The following ADAMTSL1 variants were observed in gnomAD, a reference collection of about 807,000 sequenced individuals.
ADAMTSL1 encodes the protein ADAMTS like 1.
ADAMTSL1 carries 126 observed loss-of-function variants against 201.8 expected under a neutral mutation model. The ratio of observed to expected loss-of-function variants is 0.62; its 90% CI spans 0.54 to 0.72. The LOEUF (loss-of-function observed/expected upper bound fraction) is 0.72. Among genes scored for constraint, ADAMTSL1 ranks in the 30% least tolerant of loss-of-function variants. ADAMTSL1 has a pLI of 0.00. For synonymous variants in ADAMTSL1, 1,121 were observed against 903.4 expected, an observed-to-expected ratio of 1.24 and a Z score of -4.32; for missense variants, 2,679 against 2,277.8, an observed-to-expected ratio of 1.18 and a Z score of -3.59.
intron 1 of ADAMTSL1, among the ~76,000 whole-genome samples, chr9:18,055,274 C>T (rs1822128368): frequency 6.6e-6 from 1 of 152,098 alleles, no homozygotes; most frequent in Admixed American, 6.5e-5. Context: ...AATATAAGAC[C>T]TTGGGCCTCA....
At chr9:18,587,944 G>C (rs1823620696) in intron 4 of ADAMTSL1, among the ~76,000 whole-genome samples, 1 of 152,120 alleles carries the variant, frequency 6.6e-6, no homozygotes, top group Non-Finnish European at 1.5e-5. Context: ...GGGAATGCAG[G>C]TATCTCTTTG....
At chr9:18,429,354 A>G (rs916243650) in intron 2 of ADAMTSL1, among the ~76,000 whole-genome samples, 1 of 152,204 alleles carries the variant, frequency 6.6e-6, no homozygotes, top group African/African-American at 2.4e-5. Context: ...TTAAGGGGAA[A>G]AAAAGAGAGT....
intron 1 of ADAMTSL1, chr9:18,163,772 G>T (rs1311355565): frequency 7.1e-6 from 1 of 140,160 alleles, no homozygotes; most frequent in Non-Finnish European, 1.5e-5. Flanking sequence ...GCCTTGAAAT[G>T]AATCCAAGAG....
At chr9:18,503,056 C>T (rs1822923566) in intron 1 of ADAMTSL1, among the ~76,000 whole-genome samples, 1 of 151,980 alleles carries the variant, frequency 6.6e-6, no homozygotes, top group Admixed American at 6.6e-5. Context: ...CAAAATTTAA[C>T]ATTTTAACTA....
At chr9:18,852,285 A>G (rs1263679671) in intron 23 of ADAMTSL1, among the ~76,000 whole-genome samples, 3 of 152,216 alleles carry the variant, frequency 2.0e-5, no homozygotes, top group African/African-American at 7.2e-5. Context: ...ATAACTGCAT[A>G]TACCTCCAGG....
intron 25 of ADAMTSL1, chr9:18,890,792 G>C (rs936046977): frequency 5.8e-6 from 2 of 347,272 alleles, no homozygotes; most frequent in Non-Finnish European, 1.1e-5. Context: ...GGAAATGCAG[G>C]CCTGACATTC....
At chr9:18,056,564 A>G (rs1488679501) in intron 1 of ADAMTSL1, among the ~76,000 whole-genome samples, 2 of 152,086 alleles carry the variant, frequency 1.3e-5, no homozygotes, top group African/African-American at 4.8e-5. Context: ...TTTGTTGGCG[A>G]GGTATATTTC....
chr9:18,283,545 G>A (rs1832873259), intron 2 of ADAMTSL1, among the ~76,000 whole-genome samples: 1 of 145,600 alleles, frequency 6.9e-6, no homozygotes, highest in African/African-American at 2.6e-5. Flanking sequence ...AGTTGAGGCT[G>A]CAGTGAGCCA....
chr9:18,298,746 G>A (rs928046392), intron 2 of ADAMTSL1, among the ~76,000 whole-genome samples: 8 of 151,828 alleles, frequency 5.3e-5, no homozygotes, highest in African/African-American at 1.9e-4. Context: ...ATAATAGGCC[G>A]GGCTCGGTGG....
chr9:18,650,572 C>G (rs1410625970), intron 7 of ADAMTSL1, among the ~76,000 whole-genome samples: 1 of 152,162 alleles, frequency 6.6e-6, no homozygotes, highest in African/African-American at 2.4e-5. Context: ...GCCAAAATAT[C>G]ATTTTTGTTT....
rs137911993 is a variant in ADAMTSL1, at chr9:18,412,176, T to C, written c.208-92653T>C. Among the ~76,000 whole-genome samples, 310 of 152,354 alleles carry C rather than the reference T, an allele frequency of 2.0e-3. 2 individuals are homozygous for C. Among genetic ancestry groups the C allele is most frequent in the African/African-American group, 7.0e-3 (291 of 41,580 alleles). On this transcript the variant is annotated intron_variant, in intron 2 of 29. Coordinates refer to the ADAMTSL1 transcript ENST00000680146. ...TTTCCTGTTAACCAAAATTCAGATC[T>C]AGAGGCATTATTTAATTTAGGTTCC...
chr9:18,205,697 A>G (rs565540514), intron 2 of ADAMTSL1, among the ~76,000 whole-genome samples: 134 of 152,176 alleles, frequency 8.8e-4, no homozygotes, highest in African/African-American at 3.0e-3. Context: ...GAGCAAGAAG[A>G]TACTAGTATT....
chr9:18,455,027 G>A (rs1312494286), intron 2 of ADAMTSL1, among the ~76,000 whole-genome samples: 2 of 152,072 alleles, frequency 1.3e-5, no homozygotes, highest in African/African-American at 4.8e-5. Flanking sequence ...GTGGGTGGGT[G>A]TGAATATTAT....
At chr9:18,086,279 A>T (rs1823766535) in intron 1 of ADAMTSL1, among the ~76,000 whole-genome samples, 1 of 152,184 alleles carries the variant, frequency 6.6e-6, no homozygotes, top group Admixed American at 6.5e-5. Context: ...GGACCACCAA[A>T]TAGAGGAGGA....
At chr9:18,546,844 G>A (rs1297888353) in intron 3 of ADAMTSL1, among the ~76,000 whole-genome samples, 1 of 152,108 alleles carries the variant, frequency 6.6e-6, no homozygotes, top group Non-Finnish European at 1.5e-5. Flanking sequence ...AAACAAGTCT[G>A]CTTTTAACTG....
intron 1 of ADAMTSL1, among the ~76,000 whole-genome samples, chr9:17,924,447 T>G (rs1826438234): frequency 6.6e-6 from 1 of 152,198 alleles, no homozygotes; most frequent in South Asian, 2.1e-4. Flanking sequence ...TGGTAGTTTG[T>G]ATTTCTGTGG....
rs967388223 is a variant in ADAMTSL1, at chr9:18,909,700, G to C, written c.*1152G>C. ...AGGTTGTAGCAACCTCTTCATTCCA[G>C]AGCTGGCCCAGGGACCGGGGTGGGA... On this transcript the variant is annotated 3_prime_UTR_variant, in exon 29 of 29. Transcript: ENST00000380548. 5 of 152,136 alleles carry C rather than the reference G, an allele frequency of 3.3e-5. No individual in the cohort carries two copies. Among genetic ancestry groups the C allele is most frequent in the Non-Finnish European group, 7.3e-5 (5 of 68,102 alleles). The allele number at this position is 152,136 out of a possible 1,614,324, so 9.4% of individuals were successfully genotyped here. A position where few individuals can be genotyped will look rare whatever the true frequency, so the allele number is the denominator to read the frequency against.
At chr9:17,967,875 A>G (rs1818042449) in intron 1 of ADAMTSL1, among the ~76,000 whole-genome samples, 1 of 152,026 alleles carries the variant, frequency 6.6e-6, no homozygotes, top group Admixed American at 6.6e-5. Context: ...GTTTATTCAC[A>G]CTGGGATCAT....
intron 2 of ADAMTSL1, among the ~76,000 whole-genome samples, chr9:18,401,087 A>G (rs1817966128): frequency 6.6e-6 from 1 of 152,204 alleles, no homozygotes; most frequent in Admixed American, 6.5e-5. Context: ...GTGGCCATTA[A>G]CCAACTGTGG....
Sources: allele counts gnomAD v4.1 joint callset (sites outside exome capture counted in the v4.1 genomes callset), GRCh38; gene constraint gnomAD v4.1.1; transcripts MANE v1.5; gene names NCBI Gene and HGNC (gene_info 2026-07-23, HGNC 2026-07-21).